ATP2B1: variants seen among roughly 807,000 people sequenced by gnomAD.
ATP2B1 encodes the protein ATPase plasma membrane Ca2+ transporting 1, also known as plasma membrane calcium-transporting ATPase 1.
In ATP2B1, 14 loss-of-function variants were observed where a neutral mutation model predicts 124.2. The ratio of observed to expected loss-of-function variants is 0.11; its 90% CI spans 0.07 to 0.18. ATP2B1 has a LOEUF of 0.18. Ranked by LOEUF, ATP2B1 falls within the 10% of genes least tolerant of loss-of-function variation. ATP2B1 has a pLI of 1.00. For synonymous variants in ATP2B1, 449 were observed against 492.4 expected, an observed-to-expected ratio of 0.91 and a Z score of 1.17; for missense variants, 763 against 1,466.1, an observed-to-expected ratio of 0.52 and a Z score of 7.83.
At chr12:89,677,971 T>TATATACAC (rs1461216851) in intron 1 of ATP2B1, among the ~76,000 whole-genome samples, 5 of 52,324 alleles carry the variant, frequency 9.6e-5, no homozygotes, top group East Asian at 5.2e-4. Context: ...TATATATATA[T>TATATACAC]ACACACACAC....
intron 1 of ATP2B1, among the ~76,000 whole-genome samples, chr12:89,685,271 CCAAT>C (rs1463836485): frequency 3.9e-5 from 6 of 152,094 alleles, no homozygotes; most frequent in African/African-American, 1.4e-4. Context: ...CTTTTAACCT[CCAAT>C]CAAAGGATCT....
At position 89,619,989 on chromosome 12, in the gene ATP2B1, T is replaced by G; in HGVS notation, c.1829+10A>C. The G allele has an allele frequency of 6.2e-7, 1 of 1,612,688 alleles. No individual in the cohort carries two copies. Among genetic ancestry groups the G allele is most frequent in the Non-Finnish European group, 8.5e-7 (1 of 1,179,006 alleles). On this transcript the variant is annotated intron_variant, in intron 11 of 20. Transcript: ENST00000428670. ...TCAGCAATTTATTCATCCAAGCATT[T>G]TACTCTTACTTTTTCAGAATTATCT... is the stretch of plus-strand genomic sequence containing the variant.
intron 1 of ATP2B1, among the ~76,000 whole-genome samples, chr12:89,667,081 A>G (rs1261976107): frequency 2.0e-5 from 3 of 152,096 alleles, no homozygotes; most frequent in Non-Finnish European, 4.4e-5. Context: ...CCCACTTTTT[A>G]AAAAGATCTA....
chr12:89,628,016 A>T (rs964990786), intron 6 of ATP2B1, among the ~76,000 whole-genome samples: 2 of 152,212 alleles, frequency 1.3e-5, no homozygotes, highest in Non-Finnish European at 2.9e-5. Context: ...AAAACTAAAT[A>T]CAAATATAAC....
Position 89,588,624 on chromosome 12 carries a change from A to G in ATP2B1, c.*2360T>C, listed in dbSNP as rs1873040075. On this transcript the variant is annotated 3_prime_UTR_variant, in exon 21 of 21. Coordinates refer to ENST00000428670, the MANE Select transcript of ATP2B1 (RefSeq NM_001366521.1). ...AGAAATTACAGTGTCTCAAAGAGAG[A>G]AATACACACTAAGCATGTCTTGCTA... The G allele has an allele frequency of 6.6e-6, 1 of 152,552 alleles. No individual in the cohort carries two copies. The highest frequency in any genetic ancestry group is 2.4e-5 in the African/African-American group (1 of 41,426). The allele number at this position is 152,552 out of a possible 1,614,324, so 9.4% of individuals were successfully genotyped here.
intron 1 of ATP2B1, among the ~76,000 whole-genome samples, chr12:89,657,488 T>C (rs748744815): frequency 6.6e-6 from 1 of 152,204 alleles, no homozygotes; most frequent in Non-Finnish European, 1.5e-5. Flanking sequence ...TCAAGCAATC[T>C]ACCTGCACTC....
chr12:89,621,329 A>G (rs1879928515), intron 10 of ATP2B1, among the ~76,000 whole-genome samples: 1 of 152,102 alleles, frequency 6.6e-6, no homozygotes, highest in African/African-American at 2.4e-5. Flanking sequence ...AACACAGGAA[A>G]TTCAAAATAT....
chr12:89,595,106 A>G (rs1381835577), intron 20 of ATP2B1, among the ~76,000 whole-genome samples: 4 of 152,200 alleles, frequency 2.6e-5, no homozygotes, highest in East Asian at 3.9e-4. Flanking sequence ...GAAGTGCCAG[A>G]CAGTAAAATA....
intron 1 of ATP2B1, among the ~76,000 whole-genome samples, chr12:89,673,840 C>G (rs1888285803): frequency 6.6e-6 from 1 of 152,132 alleles, no homozygotes; most frequent in Non-Finnish European, 1.5e-5. Flanking sequence ...GGGGGTGTCA[C>G]AGCTAGCACT....
At chr12:89,644,438 T>C (rs1037123171) in intron 2 of ATP2B1, among the ~76,000 whole-genome samples, 3 of 151,912 alleles carry the variant, frequency 2.0e-5, no homozygotes, top group African/African-American at 4.8e-5. Context: ...CATTGAAGGA[T>C]TCAACAAGAT....
chr12:89,685,940 C>A (rs1005372598), intron 1 of ATP2B1, among the ~76,000 whole-genome samples: 2 of 152,072 alleles, frequency 1.3e-5, no homozygotes, highest in Non-Finnish European at 2.9e-5. Flanking sequence ...CAGGAGAAAA[C>A]TTACCTTGCT....
intron 2 of ATP2B1, among the ~76,000 whole-genome samples, chr12:89,651,702 C>T (rs1025810306): frequency 2.0e-5 from 3 of 152,100 alleles, no homozygotes; most frequent in Non-Finnish European, 4.4e-5. Context: ...CTACCTCTTT[C>T]TTCATAGTGC....
chr12:89,641,293 A>C lies in ATP2B1; in HGVS notation c.406+865T>G, dbSNP rs562740570. Among the ~76,000 whole-genome samples, 383 of 152,286 alleles carry C rather than the reference A, an allele frequency of 2.5e-3. 1 individual carries two copies. The highest frequency in any genetic ancestry group is 8.8e-3 in the African/African-American group (365 of 41,568). On this transcript the variant is annotated intron_variant, in intron 3 of 20. Coordinates refer to ENST00000428670, the MANE Select transcript of ATP2B1 (RefSeq NM_001366521.1). ...ACATTTGTAGCCACAAGTTAAAGCAAATCTACCACGCTATAATGTATTTCT... is the reference window on the plus strand; with the variant it reads ...ACATTTGTAGCCACAAGTTAAAGCACATCTACCACGCTATAATGTATTTCT...
intron 15 of ATP2B1, among the ~76,000 whole-genome samples, chr12:89,606,723 A>G (rs1362986554): frequency 6.6e-6 from 1 of 151,940 alleles, no homozygotes. Context: ...ACAGTCACAC[A>G]TCACCACACC....
intron 6 of ATP2B1, among the ~76,000 whole-genome samples, chr12:89,629,215 C>T (rs1358520336): frequency 6.6e-6 from 1 of 152,144 alleles, no homozygotes; most frequent in Non-Finnish European, 1.5e-5. Flanking sequence ...AGGGTAGACT[C>T]TTGAGCCAGA....
At chr12:89,626,863 C>A (rs1161087724) in intron 7 of ATP2B1, among the ~76,000 whole-genome samples, 1 of 152,140 alleles carries the variant, frequency 6.6e-6, no homozygotes, top group Non-Finnish European at 1.5e-5. Context: ...GGTCCTTAAA[C>A]TGAGAACTAA....
intron 6 of ATP2B1, among the ~76,000 whole-genome samples, chr12:89,630,277 A>T (rs1881635670): frequency 6.6e-6 from 1 of 152,196 alleles, no homozygotes; most frequent in African/African-American, 2.4e-5. Flanking sequence ...TAGAGAATAA[A>T]TGCAAGAATG....
At chr12:89,639,590 AAAAT>A (rs1476445834) in intron 3 of ATP2B1, among the ~76,000 whole-genome samples, 5 of 149,992 alleles carry the variant, frequency 3.3e-5, no homozygotes, top group Non-Finnish European at 5.9e-5. Context: ...ATAAAAATAA[AAAAT>A]AAAAAATGCA....
At chr12:89,616,509 C>T (rs1406198061) in intron 12 of ATP2B1, among the ~76,000 whole-genome samples, 1 of 152,042 alleles carries the variant, frequency 6.6e-6, no homozygotes, top group Non-Finnish European at 1.5e-5. Flanking sequence ...CAAATAATGG[C>T]ACCTATTATT....
Sources: allele counts gnomAD v4.1 joint callset (sites outside exome capture counted in the v4.1 genomes callset), GRCh38; gene constraint gnomAD v4.1.1; transcripts MANE v1.5; gene names NCBI Gene and HGNC (gene_info 2026-07-23, HGNC 2026-07-21).